The following ZNF329 variants were observed in gnomAD, a reference collection of about 807,000 sequenced individuals.
The protein encoded by ZNF329 is zinc finger protein 329.
Under a neutral mutation model 26.6 loss-of-function variants are expected in ZNF329, and 15 were observed. The ratio of observed to expected loss-of-function variants is 0.56; its 90% confidence interval spans 0.38 to 0.87. ZNF329 has a LOEUF of 0.87. Ranked by LOEUF, ZNF329 falls within the 40% of genes least tolerant of loss-of-function variation. The probability of loss-of-function intolerance (pLI) is 0.00; values close to 1 mark genes in which losing one functional copy is unlikely to be tolerated. For missense variants in ZNF329, 651 were observed against 651.9 expected (o/e 1.00, Z 0.02); for synonymous variants, 239 against 233.5 (o/e 1.02, Z -0.21).
At chr19:58,135,956 G>A (rs1370439184) in intron 3 of ZNF329, among the ~76,000 whole-genome samples, 2 of 152,160 alleles carry the variant, frequency 1.3e-5, no homozygotes, top group African/African-American at 2.4e-5. Context: ...AACAGGCCAC[G>A]CACGGTGGCT....
intron 3 of ZNF329, among the ~76,000 whole-genome samples, chr19:58,138,815 G>A (rs962517538): frequency 2.0e-5 from 3 of 151,964 alleles, no homozygotes; most frequent in African/African-American, 2.4e-5. Flanking sequence ...TGGCAGACAC[G>A]GCCAAACCCC....
chr19:58,145,189 T>C (rs2075280332), intron 1 of ZNF329, among the ~76,000 whole-genome samples: 1 of 151,714 alleles, frequency 6.6e-6, no homozygotes, highest in South Asian at 2.1e-4. Context: ...TGGGTCTCAC[T>C]GTGTTGCCCA....
upstream of ZNF329, among the ~76,000 whole-genome samples, chr19:58,153,711 CT>C (rs960389904): frequency 4.2e-4 from 63 of 151,710 alleles, no homozygotes; most frequent in African/African-American, 1.5e-3. Context: ...CAAAATGGCA[CT>C]TTTTTTTTCT....
In ZNF329 at chr19:58,128,836, C is replaced by A; in HGVS notation, c.668G>T (p.Arg223Leu). 1.9e-6 allele frequency: 3 copies of A among 1,609,714 alleles called. No individual in the cohort carries two copies. Among genetic ancestry groups the A allele is most frequent in the Non-Finnish European group, 2.5e-6 (3 of 1,178,160 alleles). ...KRNSSLVLHH[R>L]THTGEKPYTC... is the part of the protein sequence containing the mutation. The stretch of plus-strand genomic sequence containing the variant: ...ATAAGGCTTCTCTCCGGTGTGAGTT[C>A]GGTGATGCAAAACAAGAGAAGAGTT... The change falls in exon 4 of 4, where the codon CGA becomes CTA. Residue 223 changes from arginine to leucine, a missense_variant. Coordinates refer to ENST00000598312, the MANE Select transcript of ZNF329 (RefSeq NM_024620.4).
At position 58,139,635 on chromosome 19, in the gene ZNF329, G is replaced by C. The variant is rs1274785522; in HGVS notation, c.-9+2922C>G. The stretch of plus-strand genomic sequence containing the variant: ...CCTCGTGACCTAATTACCTCCCACA[G>C]GCCTCATCTCCAAATACCATCACAG... On this transcript the variant is annotated intron_variant, in intron 3 of 3. Coordinates refer to ENST00000598312, the MANE Select transcript of ZNF329 (RefSeq NM_024620.4). Among the ~76,000 whole-genome samples the C allele has an allele frequency of 5.3e-5, 8 of 152,176 alleles. No individual in the cohort carries two copies. In the South Asian group the frequency reaches 1.0e-3, roughly 20 times the overall value.
In ZNF329 at chr19:58,129,011, G is replaced by A. The variant is rs1455800938; in HGVS notation, c.493C>T (p.Gln165Ter). The A allele has an allele frequency of 1.9e-6, 3 of 1,612,834 alleles. No homozygotes were observed. In the African/African-American group the frequency reaches 4.0e-5, roughly 22 times the overall value. ...SFNHFTSLGH[Q>*]KIMKRGKKSY... is the part of the protein sequence containing the mutation. ...TTCTTGCCTCTTTTCATTATTTTCTGATGACCAAGAGAGGTAAAATGATTA... is the reference window on the plus strand; with the variant it reads ...TTCTTGCCTCTTTTCATTATTTTCTAATGACCAAGAGAGGTAAAATGATTA... The change falls in exon 4 of 4, where the codon CAG becomes TAG. Residue 165 changes from glutamine to a stop codon, truncating the protein, a stop_gained. Transcript: ENST00000598312. LOFTEE classifies it high-confidence loss of function.
chr19:58,134,000 T>C (rs953678955), intron 3 of ZNF329, among the ~76,000 whole-genome samples: 1 of 152,162 alleles, frequency 6.6e-6, no homozygotes, highest in African/African-American at 2.4e-5. Context: ...AGTCCTCAAG[T>C]TTCTCATGAT....
At chr19:58,138,181 C>T (rs1047715621) in intron 3 of ZNF329, among the ~76,000 whole-genome samples, 1 of 152,118 alleles carries the variant, frequency 6.6e-6, no homozygotes, top group Admixed American at 6.6e-5. Context: ...AGCGCCCTTA[C>T]ACCTTATCCC....
chr19:58,146,479 A>T (rs2075310882), intron 1 of ZNF329, among the ~76,000 whole-genome samples: 3 of 136,774 alleles, frequency 2.2e-5, no homozygotes, highest in African/African-American at 8.2e-5. Context: ...ATCTTTAAAA[A>T]AAAAAAGTAG....
intron 1 of ZNF329, among the ~76,000 whole-genome samples, chr19:58,148,158 C>A (rs1481303497): frequency 6.6e-6 from 1 of 151,744 alleles, no homozygotes; most frequent in East Asian, 1.9e-4. Context: ...AAGGGCGGTG[C>A]AAGATGTGCT....
upstream of ZNF329, among the ~76,000 whole-genome samples, chr19:58,154,262 G>A (rs1314634035): frequency 2.0e-5 from 3 of 152,164 alleles, no homozygotes; most frequent in Non-Finnish European, 2.9e-5. Flanking sequence ...GCCCGCTTGG[G>A]CCACCCAAAG....
At chr19:58,146,408 A>C (rs1366295046) in intron 1 of ZNF329, among the ~76,000 whole-genome samples, 1 of 151,912 alleles carries the variant, frequency 6.6e-6, no homozygotes, top group African/African-American at 2.4e-5. Flanking sequence ...TGGGAAGTAG[A>C]GGTTGCAGTG....
In ZNF329 at chr19:58,129,101, C is replaced by G. The variant is rs753785907; in HGVS notation, c.403G>C (p.Val135Leu). Reference sequence around the variant, plus strand: ...CTCACTGGATTTCTTCCATGAATAACTTCCATGGAATGGTTGAAGCCTTTT... The same window carrying G: ...CTCACTGGATTTCTTCCATGAATAAGTTCCATGGAATGGTTGAAGCCTTTT... ...CGKGFNHSMEVIHGRNPVREK... is the reference protein window; with the variant it reads ...CGKGFNHSMELIHGRNPVREK... The change falls in exon 4 of 4, where the codon GTT (valine) becomes CTT (leucine). Residue 135 changes from valine to leucine, a missense_variant. Transcript: ENST00000598312. 6.2e-7 allele frequency: 1 copy of G among 1,614,012 alleles called. No homozygotes were observed. The highest frequency in any genetic ancestry group is 8.5e-7 in the Non-Finnish European group (1 of 1,180,040).
chr19:58,128,633 C>G lies in ZNF329; in HGVS notation c.871G>C (p.Glu291Gln), dbSNP rs1263079019. 1.2e-6 allele frequency: 2 copies of G among 1,607,006 alleles called. No individual in the cohort carries two copies. Among genetic ancestry groups the G allele is most frequent in the African/African-American group, 1.3e-5 (1 of 74,724 alleles). ...TTTCGGTTGAAGGTTTTTCCACACTCTAGGCATTCATAAGGTTTCTCGCCT... is the reference window on the plus strand; with the variant it reads ...TTTCGGTTGAAGGTTTTTCCACACTGTAGGCATTCATAAGGTTTCTCGCCT... ...HTGEKPYECL[E>Q]CGKTFNRNSS... is the part of the protein sequence containing the mutation. Residue 291 changes from glutamate to glutamine, a missense_variant, in exon 4 of 4, where the codon GAG (glutamate) becomes CAG (glutamine). By Grantham distance (29) the Glu-to-Gln change is conservative. Coordinates refer to ENST00000598312, the MANE Select transcript of ZNF329 (RefSeq NM_024620.4).
chr19:58,150,528 A>C (rs976904710), intron 1 of ZNF329, among the ~76,000 whole-genome samples: 5 of 152,244 alleles, frequency 3.3e-5, no homozygotes, highest in African/African-American at 1.2e-4. Context: ...TCGTCCTCAG[A>C]GGAGTGACCC....
At chr19:58,131,190 A>C (rs1440806437) in intron 3 of ZNF329, among the ~76,000 whole-genome samples, 1 of 152,028 alleles carries the variant, frequency 6.6e-6, no homozygotes, top group Non-Finnish European at 1.5e-5. Context: ...ATAAAGTCAA[A>C]GTTTAAATAA....
intron 3 of ZNF329, among the ~76,000 whole-genome samples, chr19:58,135,280 T>C (rs952083110): frequency 2.0e-5 from 3 of 152,042 alleles, no homozygotes; most frequent in Admixed American, 6.5e-5. Context: ...TATTTAATTT[T>C]TTTTTTTGAG....
chr19:58,134,054 G>C (rs926037512), intron 3 of ZNF329, among the ~76,000 whole-genome samples: 10 of 152,142 alleles, frequency 6.6e-5, no homozygotes, highest in Admixed American at 3.3e-4. Context: ...AATAAATGTA[G>C]TATAAAACAT....
rs945989159 is a variant in ZNF329, at chr19:58,135,055, G to GT, written c.-8-5545dup. Among the ~76,000 whole-genome samples the GT allele has an allele frequency of 7.3e-5, 11 of 151,210 alleles. No individual in the cohort carries two copies. The South Asian group carries it at 8.4e-4, about 12-fold the overall frequency. On this transcript the variant is annotated intron_variant, in intron 3 of 3. Coordinates refer to ENST00000598312, the MANE Select transcript of ZNF329 (RefSeq NM_024620.4). ...AAATTTTATTTATCTGTTTTTTGAGGTTTTTTTTTCTGATCAAGTAGCTCA... is the reference window on the plus strand; with the variant it reads ...AAATTTTATTTATCTGTTTTTTGAGGTTTTTTTTTTCTGATCAAGTAGCTCA...
Sources: allele counts gnomAD v4.1 joint callset (sites outside exome capture counted in the v4.1 genomes callset), GRCh38; gene constraint gnomAD v4.1.1; transcripts MANE v1.5; gene names NCBI Gene and HGNC (gene_info 2026-07-23, HGNC 2026-07-21).